Variants in AP4E1 observed in about 807,000 individuals in gnomAD.
AP4E1 encodes AP-4 complex subunit epsilon-1.
Under a neutral mutation model 128.2 loss-of-function variants are expected in AP4E1, and 56 were observed. The observed-to-expected ratio is 0.44, with a 90% CI of 0.35 to 0.55. The LOEUF (loss-of-function observed/expected upper bound fraction) is 0.55. Among genes scored for constraint, AP4E1 ranks in the 20% least tolerant of loss-of-function variants. The pLI is 0.00. For missense variants in AP4E1, 1,324 were observed against 1,307.7 expected (o/e 1.01, Z -0.19); for synonymous variants, 484 against 473.1 (o/e 1.02, Z -0.30).
At chr15:50,910,915 G>C (rs1378237997) in intron 1 of AP4E1, among the ~76,000 whole-genome samples, 1 of 152,220 alleles carries the variant, frequency 6.6e-6, no homozygotes. Context: ...CTTGGCCTTG[G>C]CCTCCCAAAG....
At chr15:50,930,142 A>G (rs1347583594) in intron 6 of AP4E1, among the ~76,000 whole-genome samples, 1 of 147,194 alleles carries the variant, frequency 6.8e-6, no homozygotes. Context: ...ATCTCAGCTC[A>G]CCACAACCTC....
At chr15:50,999,038 C>T (rs759787856) in intron 18 of AP4E1, 34 bp from the exon 19 acceptor site, 7 of 1,601,574 alleles carry the variant, frequency 4.4e-6, no homozygotes, top group Non-Finnish European at 4.3e-6. Context: ...TTGATCCCTT[C>T]CTTCTTCAAC....
intron 10 of AP4E1, chr15:50,944,976 C>A (rs751664043): frequency 1.3e-6 from 1 of 765,684 alleles, no homozygotes; most frequent in Admixed American, 1.8e-5. Context: ...CCATACAATA[C>A]AAGCACATGA....
chr15:50,952,115 G>C (rs541883659), intron 13 of AP4E1, among the ~76,000 whole-genome samples: 13 of 152,202 alleles, frequency 8.5e-5, no homozygotes, highest in African/African-American at 2.9e-4. Context: ...GTTTTGCTGA[G>C]CTGTTTAGAA....
At chr15:50,988,223 C>G (rs1051050881) in intron 16 of AP4E1, among the ~76,000 whole-genome samples, 1 of 152,098 alleles carries the variant, frequency 6.6e-6, no homozygotes, top group Non-Finnish European at 1.5e-5. Context: ...TTGAAAATAT[C>G]GTAAGTCAGA....
At chr15:50,916,730 C>T (rs567894358) in intron 3 of AP4E1, among the ~76,000 whole-genome samples, 6 of 152,282 alleles carry the variant, frequency 3.9e-5, no homozygotes, top group Middle Eastern at 6.8e-3. Flanking sequence ...ATATTCTTTC[C>T]TCCAAGTAGA....
At chr15:50,962,144 C>T (rs1401363723) in intron 14 of AP4E1, among the ~76,000 whole-genome samples, 1 of 151,788 alleles carries the variant, frequency 6.6e-6, no homozygotes, top group Non-Finnish European at 1.5e-5. Flanking sequence ...GAAATAAATC[C>T]CATGCTCATG....
intron 15 of AP4E1, among the ~76,000 whole-genome samples, chr15:50,977,262 T>C (rs1185717771): frequency 6.6e-6 from 1 of 152,138 alleles, no homozygotes; most frequent in African/African-American, 2.4e-5. Context: ...AAGGGTTGGA[T>C]AGGGAAGGGG....
At chr15:50,940,834 A>T (rs1003098533) in intron 8 of AP4E1, among the ~76,000 whole-genome samples, 2 of 152,214 alleles carry the variant, frequency 1.3e-5, no homozygotes, top group African/African-American at 4.8e-5. Context: ...TGCTATCAAG[A>T]TGTCCAGTAG....
chr15:50,927,657 C>T (rs1406283252), intron 5 of AP4E1, among the ~76,000 whole-genome samples: 2 of 151,348 alleles, frequency 1.3e-5, no homozygotes, highest in Non-Finnish European at 2.9e-5. Flanking sequence ...ATTAATCTGC[C>T]TTTCTTTTCT....
chr15:50,973,571 C>G (rs1160180347), intron 15 of AP4E1, among the ~76,000 whole-genome samples: 1 of 152,104 alleles, frequency 6.6e-6, no homozygotes, highest in African/African-American at 2.4e-5. Context: ...TGGTAAGTCC[C>G]CATTTCTCTC....
chr15:50,910,585 A>G (rs2141123772), intron 1 of AP4E1, among the ~76,000 whole-genome samples: 1 of 152,372 alleles, frequency 6.6e-6, no homozygotes, highest in Non-Finnish European at 1.5e-5. Context: ...TTTTTTTGGC[A>G]GCTCTAATAA....
chr15:50,947,064 C>A (rs1170976503), intron 10 of AP4E1, among the ~76,000 whole-genome samples: 1 of 151,814 alleles, frequency 6.6e-6, no homozygotes, highest in Non-Finnish European at 1.5e-5. Flanking sequence ...CCACTGCACT[C>A]TAGCCTGGGC....
At chr15:50,998,564 A>C (rs2064913108) in intron 18 of AP4E1, among the ~76,000 whole-genome samples, 1 of 152,056 alleles carries the variant, frequency 6.6e-6, no homozygotes, top group Admixed American at 6.6e-5. Flanking sequence ...TGGGAGACGG[A>C]GGTTGCAGTG....
At chr15:50,966,803 C>T (rs2064400967) in intron 14 of AP4E1, among the ~76,000 whole-genome samples, 1 of 152,198 alleles carries the variant, frequency 6.6e-6, no homozygotes, top group Non-Finnish European at 1.5e-5. Flanking sequence ...TCCCAGAGTG[C>T]TGGGATTACA....
chr15:50,978,101 G>C (rs2064583555), intron 15 of AP4E1, among the ~76,000 whole-genome samples: 1 of 151,992 alleles, frequency 6.6e-6, no homozygotes, highest in Non-Finnish European at 1.5e-5. Flanking sequence ...TGATCTTTTA[G>C]GTAGAAAAAT....
At chr15:50,989,936 A>C (rs1262220601) in intron 16 of AP4E1, among the ~76,000 whole-genome samples, 2 of 152,188 alleles carry the variant, frequency 1.3e-5, no homozygotes, top group Non-Finnish European at 2.9e-5. Flanking sequence ...GAACATAGTA[A>C]TTGGCAAGGT....
In AP4E1 at chr15:50,912,092, A is replaced by G. The variant is rs761916507; in HGVS notation, c.165A>G (p.Leu55=). The G allele has an allele frequency of 1.4e-5, 23 of 1,613,954 alleles. No homozygotes were observed. In the South Asian group the frequency reaches 2.0e-4, roughly 14 times the overall value. ...ALTSKHEEEK[L]IQQELSSLKA... is the part of the protein sequence containing the mutation. ...CACTTTCTCAGGAAGAAGAAAAATTAATCCAGCAGGAACTGAGTAGTCTGA... is the reference window on the plus strand; with the variant it reads ...CACTTTCTCAGGAAGAAGAAAAATTGATCCAGCAGGAACTGAGTAGTCTGA... Residue 55 remains leucine (L), a synonymous_variant, in exon 2 of 21, where the codon TTA becomes TTG. Coordinates refer to ENST00000261842, the MANE Select transcript of AP4E1 (RefSeq NM_007347.5).
intron 14 of AP4E1, among the ~76,000 whole-genome samples, chr15:50,961,409 A>G (rs1412821168): frequency 6.6e-6 from 1 of 151,916 alleles, no homozygotes; most frequent in Non-Finnish European, 1.5e-5. Context: ...ATAATACACT[A>G]TGATCAAGTG....
Sources: allele counts gnomAD v4.1 joint callset (sites outside exome capture counted in the v4.1 genomes callset), GRCh38; gene constraint gnomAD v4.1.1; transcripts MANE v1.5; gene names NCBI Gene and HGNC (gene_info 2026-07-23, HGNC 2026-07-21).